ZC3H7A: variants seen among roughly 807,000 people sequenced by gnomAD.
The protein encoded by ZC3H7A is zinc finger CCCH domain-containing protein 7A.
A neutral mutation model predicts 125.5 loss-of-function variants in ZC3H7A; 44 were observed. The observed-to-expected ratio is 0.35, with a 90% confidence interval of 0.28 to 0.45. ZC3H7A has a LOEUF of 0.45. ZC3H7A is among the 20% of genes least tolerant of loss of function. The pLI is 1.00. For missense variants in ZC3H7A, 977 were observed against 1,170.7 expected (o/e 0.83, Z 2.41); for synonymous variants, 399 against 391.2 (o/e 1.02, Z -0.23).
At chr16:11,787,949 A>T (rs545095153) in intron 1 of ZC3H7A, among the ~76,000 whole-genome samples, 4 of 152,054 alleles carry the variant, frequency 2.6e-5, no homozygotes, top group African/African-American at 7.2e-5. Context: ...TTCGTTTCCA[A>T]AGAAAAAAAA....
rs1473783980 is a variant in ZC3H7A, at chr16:11,776,785, T to C, written c.431A>G (p.Asp144Gly). The C allele has an allele frequency of 6.2e-7, 1 of 1,612,840 alleles. No homozygotes were observed. The highest frequency in any genetic ancestry group is 8.5e-7 in the Non-Finnish European group (1 of 1,179,640). ...TGCTAAGGAGCACTTTGCTACAGCA[T>C]CGTAAGCCTTTTTGTATCTTCCTAA... ...SDLGRYKKAY[D>G]AVAKCSLAVP... is the part of the protein sequence containing the mutation. The change falls in exon 5 of 23, where the codon GAT becomes GGT. Residue 144 changes from aspartate (D) to glycine (G), a missense_variant. Asp to Gly is a moderately conservative substitution (Grantham distance 94, BLOSUM62 -1). Transcript: ENST00000355758.
At chr16:11,789,633 T>C (rs1452701772) in intron 1 of ZC3H7A, among the ~76,000 whole-genome samples, 1 of 152,214 alleles carries the variant, frequency 6.6e-6, no homozygotes. Context: ...ATCTAATCAG[T>C]GTGTTCGTTT....
chr16:11,760,981 C>T (rs2052743425), intron 19 of ZC3H7A, among the ~76,000 whole-genome samples: 2 of 152,160 alleles, frequency 1.3e-5, no homozygotes, highest in South Asian at 2.1e-4. Flanking sequence ...CTTGTAGCTA[C>T]GTATCCCTTG....
intron 20 of ZC3H7A, among the ~76,000 whole-genome samples, chr16:11,757,606 A>G (rs2052673836): frequency 6.6e-6 from 1 of 152,156 alleles, no homozygotes; most frequent in Non-Finnish European, 1.5e-5. Context: ...GTTTCTAACA[A>G]TGTATCATCA....
chr16:11,758,697 C>G (rs1463630348), intron 19 of ZC3H7A, 158 bp from the exon 20 acceptor site: 3 of 598,282 alleles, frequency 5.0e-6, no homozygotes, highest in Non-Finnish European at 8.7e-6. Context: ...TAACTATATG[C>G]TCTAAATATA....
At position 11,756,324 on chromosome 16, in the gene ZC3H7A, T is replaced by A; in HGVS notation, c.2475A>T (p.Lys825Asn). The part of the protein sequence containing the change: ...QFYELWLKSQ[K>N]NEKSEDIASQ... ...TGGCTATGTCTTCACTTTTTTCATT[T>A]TTTTGACTCTTGAGCCATAGTTCGT... Residue 825 changes from lysine (K) to asparagine (N), a missense_variant, in exon 21 of 23, where the codon AAA becomes AAT. By Grantham distance (94) the Lys-to-Asn change is moderately conservative. Transcript: ENST00000355758. 1 of 1,614,132 alleles carries A rather than the reference T, an allele frequency of 6.2e-7. No individual in the cohort carries two copies. The highest frequency in any genetic ancestry group is 8.5e-7 in the Non-Finnish European group (1 of 1,180,016).
At chr16:11,795,393 A>T (rs1384808020) in intron 1 of ZC3H7A, among the ~76,000 whole-genome samples, 1 of 152,244 alleles carries the variant, frequency 6.6e-6, no homozygotes, top group Non-Finnish European at 1.5e-5. Flanking sequence ...TGTACAAAAT[A>T]TATTACACAA....
chr16:11,782,050 A>T (rs2053181687), intron 2 of ZC3H7A, among the ~76,000 whole-genome samples: 1 of 152,194 alleles, frequency 6.6e-6, no homozygotes, highest in South Asian at 2.1e-4. Flanking sequence ...TCTCAGTCTA[A>T]CGTTTTGGGG....
At chr16:11,763,430 C>T (rs1310760924) in intron 16 of ZC3H7A, 48 bp downstream of exon 16, 3 of 1,533,930 alleles carry the variant, frequency 2.0e-6, no homozygotes, top group Admixed American at 1.9e-5. Context: ...TTCATTAAAC[C>T]CTGTCTGCTC....
chr16:11,755,452 A>G (rs2052626999), intron 21 of ZC3H7A, among the ~76,000 whole-genome samples: 1 of 152,194 alleles, frequency 6.6e-6, no homozygotes, highest in Admixed American at 6.5e-5. Context: ...AAAGAAAACC[A>G]AAACAGTTAA....
Position 11,764,693 on chromosome 16 carries a change from G to A in ZC3H7A, c.1820+360C>T, listed in dbSNP as rs141397990. Among the ~76,000 whole-genome samples, 1,191 of 152,194 alleles carry A rather than the reference G, an allele frequency of 7.8e-3. 18 individuals are homozygous for A. Among genetic ancestry groups the A allele is most frequent in the African/African-American group, 0.027 (1,132 of 41,496 alleles). The stretch of plus-strand genomic sequence containing the variant: ...GCCAAGATCATGCCACTGCACTTCA[G>A]CCTGGGTGACAGAGCGAGACTCTGT... On this transcript the variant is annotated intron_variant, in intron 15 of 22. Coordinates refer to ENST00000355758, the MANE Select transcript of ZC3H7A (RefSeq NM_014153.4).
intron 1 of ZC3H7A, among the ~76,000 whole-genome samples, chr16:11,788,744 T>C (rs148829239): frequency 1.1e-4 from 16 of 151,428 alleles, no homozygotes; most frequent in African/African-American, 3.9e-4. Context: ...CGCCCCAGTA[T>C]CTGGGGTTAC....
intron 12 of ZC3H7A, 146 bp from the exon 13 acceptor site, chr16:11,767,724 A>G (rs983532913): frequency 2.0e-5 from 15 of 758,772 alleles, no homozygotes; most frequent in Non-Finnish European, 2.7e-5. Flanking sequence ...AAATGTAAGT[A>G]GGCTACTAAG....
At position 11,758,546 on chromosome 16, in the gene ZC3H7A, A is replaced by T; in HGVS notation, c.2320-7T>A. The T allele has an allele frequency of 1.3e-6, 2 of 1,599,042 alleles. No individual in the cohort carries two copies. The highest frequency in any genetic ancestry group is 1.7e-6 in the Non-Finnish European group (2 of 1,167,958). On this transcript the variant is annotated splice_region_variant and splice_polypyrimidine_tract_variant and intron_variant, in intron 19 of 22. Transcript: ENST00000355758. ...AAGCAATATGGTTGCACAGCTGTAT[A>T]AAAAAATAGGAATATGATTAAGACA...
intron 20 of ZC3H7A, among the ~76,000 whole-genome samples, 197 bp downstream of exon 20, chr16:11,758,234 T>A (rs182842730): frequency 2.7e-4 from 41 of 152,296 alleles, no homozygotes; most frequent in Non-Finnish European, 5.1e-4. Context: ...CAAACACAGA[T>A]CAGACGCCAC....
At chr16:11,769,286 T>C (rs943087176) in intron 10 of ZC3H7A, among the ~76,000 whole-genome samples, 191 bp from the exon 11 acceptor site, 2 of 152,110 alleles carry the variant, frequency 1.3e-5, no homozygotes, top group South Asian at 2.1e-4. Flanking sequence ...ACCAAGGGCA[T>C]AGTCAAACAA....
At chr16:11,791,693 A>T (rs1366620335) in intron 1 of ZC3H7A, among the ~76,000 whole-genome samples, 1 of 152,228 alleles carries the variant, frequency 6.6e-6, no homozygotes, top group Non-Finnish European at 1.5e-5. Context: ...GCCCAGCAGG[A>T]AATGACTGCA....
At chr16:11,759,124 T>C (rs2052699732) in intron 19 of ZC3H7A, 1 of 152,272 alleles carries the variant, frequency 6.6e-6, no homozygotes, top group East Asian at 1.9e-4. Context: ...TTTGTATTTT[T>C]ATTTAACAAA....
Position 11,767,578 on chromosome 16 carries a change from C to A in ZC3H7A, c.1361G>T (p.Gly454Val). The change falls in exon 13 of 23, where the codon GGC becomes GTC. Residue 454 changes from glycine to valine, a missense_variant and splice_region_variant. Coordinates refer to ENST00000355758, the MANE Select transcript of ZC3H7A (RefSeq NM_014153.4). The stretch of plus-strand genomic sequence containing the variant: ...GTAAGTGAAATCCATTAACTTAGGG[C>A]CTGAAAAAGATGTAAAGAGGATTGC... ...QACQICFVKS[G>V]PKLMDFTYHA... 2.6e-6 allele frequency: 4 copies of A among 1,553,436 alleles called. No individual in the cohort carries two copies. The highest frequency in any genetic ancestry group is 4.7e-5 in the East Asian group (2 of 42,826).
Sources: gnomAD v4.1 joint callset for allele counts (sites outside exome capture counted in the v4.1 genomes callset) on GRCh38, gnomAD v4.1.1 for gene constraint, MANE v1.5 for transcripts, NCBI Gene and HGNC (gene_info 2026-07-23, HGNC 2026-07-21) for gene names.